Variants in FOLH1 observed in about 807,000 individuals in gnomAD.
FOLH1 encodes folate hydrolase 1.
A neutral mutation model predicts 93.9 loss-of-function variants in FOLH1; 54 were observed. The ratio of observed to expected loss-of-function variants is 0.57; its 90% CI spans 0.46 to 0.72. The LOEUF (loss-of-function observed/expected upper bound fraction) is 0.72, where lower values mean the gene tolerates loss of function less well. Among genes scored for constraint, FOLH1 ranks in the 30% least tolerant of loss-of-function variants. The pLI, the probability that FOLH1 is intolerant of heterozygous loss-of-function variation, is 0.00. For synonymous variants in FOLH1, 249 were observed against 303.6 expected (o/e 0.82, Z 1.87); for missense variants, 571 against 892.5 (o/e 0.64, Z 4.59).
chr11:49,161,207 T>C (rs1857660028), intron 13 of FOLH1, among the ~76,000 whole-genome samples: 1 of 152,112 alleles, frequency 6.6e-6, no homozygotes, highest in South Asian at 2.1e-4. Context: ...TGAAAATTAA[T>C]TAATATTTTC....
chr11:49,148,502 CACTT>C lies in FOLH1; in HGVS notation c.2063+133_2063+136del, dbSNP rs201390611. The C allele has an allele frequency of 2.9e-3, 1,681 of 587,618 alleles. 27 individuals are homozygous for C. In the African/African-American group the frequency reaches 0.03, roughly 11 times the overall value. 36.4% of individuals were successfully genotyped at this position (587,618 alleles called of 1,614,324 possible). A position where few individuals can be genotyped will look rare whatever the true frequency, so the allele number is the denominator to read the frequency against. ...TTATATGAAGAAACAATACAACTAT[CACTT>C]ACTACATATATTTTGAAATTTTCTA... On this transcript the variant is annotated intron_variant, in intron 18 of 18. Transcript: ENST00000256999.
chr11:49,149,907 G>T (rs984172313), intron 17 of FOLH1, among the ~76,000 whole-genome samples: 1 of 152,082 alleles, frequency 6.6e-6, no homozygotes, highest in African/African-American at 2.4e-5. Context: ...AAAATAACAA[G>T]AATAGTCAGC....
intron 1 of FOLH1, 157 bp downstream of exon 1, chr11:49,208,135 T>A: frequency 1.6e-6 from 1 of 626,792 alleles, no homozygotes; most frequent in Non-Finnish European, 2.9e-6. Context: ...ACCCTCCTCC[T>A]AACTCGAGGG....
intron 13 of FOLH1, among the ~76,000 whole-genome samples, chr11:49,161,856 AG>A (rs1482978825): frequency 6.6e-6 from 1 of 152,198 alleles, no homozygotes; most frequent in Non-Finnish European, 1.5e-5. Context: ...TTGTCTTGAA[AG>A]AATCTTATTT....
chr11:49,183,382 G>A (rs969035938), intron 6 of FOLH1, 140 bp from the exon 7 acceptor site: 10 of 642,590 alleles, frequency 1.6e-5, no homozygotes, highest in Middle Eastern at 3.2e-4. Flanking sequence ...AAATGTTAGC[G>A]AGAATGCAGA....
chr11:49,160,371 G>T (rs1280227838), intron 13 of FOLH1, among the ~76,000 whole-genome samples: 1 of 151,942 alleles, frequency 6.6e-6, no homozygotes, highest in African/African-American at 2.4e-5. Context: ...TGCTAGCTTT[G>T]GGGTTTGTTT....
At position 49,208,430 on chromosome 11, in the gene FOLH1, C is replaced by T. The variant is rs772239186; in HGVS notation, c.-21G>A. On this transcript the variant is annotated 5_prime_UTR_variant, in exon 1 of 19. Coordinates refer to ENST00000256999, the MANE Select transcript of FOLH1 (RefSeq NM_004476.3). ...CACATCTCGGCGCGAGCAGAGCCGGCCTCCCGGGACCCGCGCCTGTGCTGC... is the reference window on the plus strand; with the variant it reads ...CACATCTCGGCGCGAGCAGAGCCGGTCTCCCGGGACCCGCGCCTGTGCTGC... 32 of 1,542,386 alleles carry T rather than the reference C, an allele frequency of 2.1e-5. No individual in the cohort carries two copies. The East Asian group carries it at 7.1e-4, about 34-fold the overall frequency.
rs187680576 is a variant in FOLH1, at chr11:49,163,328, T to C, written c.1440+1377A>G. Among the ~76,000 whole-genome samples, 280 of 152,142 alleles carry C rather than the reference T, an allele frequency of 1.8e-3. 2 individuals carry two copies. The highest frequency in any genetic ancestry group is 2.9e-3 in the South Asian group (14 of 4,806). ...CTCCACCCATTGATGAGGAACGTAGTTGGGGATCTGCTTTATAAGGAAGTC... is the reference window on the plus strand; with the variant it reads ...CTCCACCCATTGATGAGGAACGTAGCTGGGGATCTGCTTTATAAGGAAGTC... On this transcript the variant is annotated intron_variant, in intron 13 of 18. Transcript: ENST00000256999.
At chr11:49,155,741 C>T (rs1296329926) in intron 15 of FOLH1, among the ~76,000 whole-genome samples, 1 of 134,366 alleles carries the variant, frequency 7.4e-6, no homozygotes, top group African/African-American at 2.7e-5. Flanking sequence ...TCTTATAAAA[C>T]TACTTGACAT....
Position 49,192,052 on chromosome 11 carries a change from A to G in FOLH1, c.513+741T>C, listed in dbSNP as rs1260980717. On this transcript the variant is annotated intron_variant, in intron 4 of 18. Transcript: ENST00000256999. ...CTTCACACTTCAACTTCTTCAATAGATCACATTCATTTAAGATTTTTAAAG... is the reference window on the plus strand; with the variant it reads ...CTTCACACTTCAACTTCTTCAATAGGTCACATTCATTTAAGATTTTTAAAG... Among the ~76,000 whole-genome samples the G allele has an allele frequency of 3.3e-5, 5 of 152,142 alleles. No individual in the cohort carries two copies. The East Asian group carries it at 5.8e-4, about 18-fold the overall frequency.
At chr11:49,194,911 A>C (rs1313882282) in intron 3 of FOLH1, among the ~76,000 whole-genome samples, 3 of 151,910 alleles carry the variant, frequency 2.0e-5, no homozygotes, top group Non-Finnish European at 2.9e-5. Flanking sequence ...AAATTTATGG[A>C]ATTATAAATT....
intron 2 of FOLH1, among the ~76,000 whole-genome samples, chr11:49,204,435 C>T (rs1863632866): frequency 6.6e-6 from 1 of 152,178 alleles, no homozygotes; most frequent in African/African-American, 2.4e-5. Flanking sequence ...CTTGGAGTAA[C>T]TTGGATCTCT....
At chr11:49,181,078 TACAA>T (rs1860670414) in intron 7 of FOLH1, among the ~76,000 whole-genome samples, 1 of 151,900 alleles carries the variant, frequency 6.6e-6, no homozygotes, top group Admixed American at 6.6e-5. Context: ...CTTTTGTAAT[TACAA>T]AGATAATACA....
intron 13 of FOLH1, among the ~76,000 whole-genome samples, chr11:49,162,028 C>G (rs1590467840): frequency 6.6e-6 from 1 of 152,282 alleles, no homozygotes; most frequent in East Asian, 1.9e-4. Flanking sequence ...TGTAGGTAAC[C>G]TGGCCTTTCC....
intron 1 of FOLH1, chr11:49,206,470 T>G: frequency 1.6e-6 from 1 of 614,792 alleles, no homozygotes; most frequent in Non-Finnish European, 2.8e-6. Flanking sequence ...AAAATGACAT[T>G]AATGTTTCAA....
intron 4 of FOLH1, among the ~76,000 whole-genome samples, chr11:49,191,909 A>T (rs1862092018): frequency 6.6e-6 from 1 of 152,172 alleles, no homozygotes; most frequent in Non-Finnish European, 1.5e-5. Flanking sequence ...CATGTTGGCC[A>T]GGCTGATCTC....
At chr11:49,148,531 A>C in intron 18 of FOLH1, 108 bp downstream of exon 18, 1 of 806,378 alleles carries the variant, frequency 1.2e-6, no homozygotes, top group Non-Finnish European at 1.9e-6. Flanking sequence ...GAAATTTTCT[A>C]TTTGCTTGCA....
intron 15 of FOLH1, among the ~76,000 whole-genome samples, chr11:49,154,968 T>G (rs113736480): frequency 1.5e-3 from 229 of 151,424 alleles, no homozygotes; most frequent in African/African-American, 5.1e-3. Context: ...GGCTGGAGAG[T>G]CTGAGTGGTG....
At chr11:49,200,105 G>A (rs759733111) in intron 3 of FOLH1, 150 bp downstream of exon 3, 103 of 784,074 alleles carry the variant, frequency 1.3e-4, no homozygotes, top group East Asian at 7.1e-4. Context: ...TAGTTGACAC[G>A]GATAATGAGA....
Sources: gnomAD v4.1 joint callset for allele counts (sites outside exome capture counted in the v4.1 genomes callset) on GRCh38, gnomAD v4.1.1 for gene constraint, MANE v1.5 for transcripts, NCBI Gene and HGNC (gene_info 2026-07-23, HGNC 2026-07-21) for gene names.